Variants in UHRF2 observed in about 807,000 individuals in gnomAD.
The protein encoded by UHRF2 is ubiquitin like with PHD and ring finger domains 2.
UHRF2 carries 23 observed loss-of-function variants against 96.8 expected under a neutral mutation model. That is an observed-to-expected ratio of 0.24 (90% CI 0.17 to 0.34). The LOEUF is 0.34. Among genes scored for constraint, UHRF2 ranks in the 10% least tolerant of loss-of-function variants. UHRF2 has a pLI of 1.00. For synonymous variants in UHRF2, 385 were observed against 332.6 expected, an observed-to-expected ratio of 1.16 and a Z score of -1.72; for missense variants, 685 against 981.5, an observed-to-expected ratio of 0.70 and a Z score of 4.04.
At chr9:6,487,877 C>G (rs1180791929) in intron 9 of UHRF2, among the ~76,000 whole-genome samples, 1 of 152,156 alleles carries the variant, frequency 6.6e-6, no homozygotes, top group Non-Finnish European at 1.5e-5. Flanking sequence ...AGTGTTAAAT[C>G]TATAGAGTTT....
chr9:6,469,337 G>A (rs962825768), intron 4 of UHRF2, among the ~76,000 whole-genome samples: 4 of 152,096 alleles, frequency 2.6e-5, no homozygotes, highest in Non-Finnish European at 5.9e-5. Context: ...GGCCAACATA[G>A]TGAAACCCCG....
chr9:6,465,783 C>G (rs1822825305), intron 4 of UHRF2, among the ~76,000 whole-genome samples: 3 of 152,136 alleles, frequency 2.0e-5, no homozygotes, highest in Non-Finnish European at 4.4e-5. Flanking sequence ...GATTTTTAAT[C>G]TGCCTTGGAG....
intron 9 of UHRF2, among the ~76,000 whole-genome samples, 195 bp from the exon 10 acceptor site, chr9:6,493,631 G>T (rs2130950423): frequency 6.6e-6 from 1 of 152,276 alleles, no homozygotes; most frequent in South Asian, 2.1e-4. Flanking sequence ...TAAAGTGAAA[G>T]TGTTAGGTCA....
chr9:6,452,560 T>G (rs1821936405), intron 3 of UHRF2, among the ~76,000 whole-genome samples: 1 of 152,202 alleles, frequency 6.6e-6, no homozygotes, highest in African/African-American at 2.4e-5. Context: ...GGGAAGTGTG[T>G]TGGGCCTAGT....
intron 3 of UHRF2, among the ~76,000 whole-genome samples, chr9:6,453,500 G>C (rs1408047018): frequency 6.6e-6 from 1 of 152,172 alleles, no homozygotes. Flanking sequence ...ATTTACAACT[G>C]TGGAATTAGA....
chr9:6,489,064 C>T (rs970398099), intron 9 of UHRF2, among the ~76,000 whole-genome samples: 1 of 152,190 alleles, frequency 6.6e-6, no homozygotes, highest in Non-Finnish European at 1.5e-5. Context: ...CCTACCTCAG[C>T]CTCCCAAAGT....
intron 4 of UHRF2, among the ~76,000 whole-genome samples, chr9:6,461,977 A>G (rs1293625129): frequency 6.6e-6 from 1 of 151,854 alleles, no homozygotes; most frequent in Non-Finnish European, 1.5e-5. Flanking sequence ...TTTTAGAATA[A>G]CCCTGACAAT....
intron 6 of UHRF2, among the ~76,000 whole-genome samples, chr9:6,480,166 T>C (rs900882061): frequency 6.6e-6 from 1 of 152,202 alleles, no homozygotes; most frequent in African/African-American, 2.4e-5. Flanking sequence ...ACCATTTCTT[T>C]TTATGCCTCA....
intron 3 of UHRF2, among the ~76,000 whole-genome samples, chr9:6,439,835 C>G (rs1821060199): frequency 6.6e-6 from 1 of 152,080 alleles, no homozygotes; most frequent in African/African-American, 2.4e-5. Context: ...AGAGACTATA[C>G]TTGAATGAAA....
chr9:6,455,493 A>G (rs1225415252), intron 3 of UHRF2, among the ~76,000 whole-genome samples: 1 of 152,152 alleles, frequency 6.6e-6, no homozygotes, highest in African/African-American at 2.4e-5. Flanking sequence ...GCTGCATAAT[A>G]TTCCATGGTG....
At chr9:6,432,839 A>AT (rs59582342) in intron 2 of UHRF2, among the ~76,000 whole-genome samples, 2,436 of 144,868 alleles carry the variant, frequency 0.017, 64 homozygotes, top group African/African-American at 0.052. Context: ...GGCTCTGGCC[A>AT]TTTTTTTTTT....
chr9:6,487,931 C>A (rs139066957), intron 9 of UHRF2, among the ~76,000 whole-genome samples: 1 of 152,060 alleles, frequency 6.6e-6, no homozygotes, highest in Admixed American at 6.5e-5. Flanking sequence ...GTTGTAGATT[C>A]ACGTGTAGCA....
At chr9:6,470,530 T>G (rs1823179125) in intron 4 of UHRF2, among the ~76,000 whole-genome samples, 1 of 152,038 alleles carries the variant, frequency 6.6e-6, no homozygotes, top group Non-Finnish European at 1.5e-5. Context: ...GGAATGAGAT[T>G]CCCGATGGAA....
chr9:6,446,466 A>C lies in UHRF2; in HGVS notation c.644+12293A>C, dbSNP rs187747189. Reference sequence around the variant, plus strand: ...CCTAATTTTTTTTAATTTTTAGTAGAAGCAGGGTTTCGCCATGTTGCCCAG... The same window carrying C: ...CCTAATTTTTTTTAATTTTTAGTAGCAGCAGGGTTTCGCCATGTTGCCCAG... On this transcript the variant is annotated intron_variant, in intron 3 of 15. Transcript: ENST00000276893. Among the ~76,000 whole-genome samples, 256 of 151,618 alleles carry C rather than the reference A, an allele frequency of 1.7e-3. 1 individual carries two copies. The highest frequency in any genetic ancestry group is 2.9e-3 in the Non-Finnish European group (200 of 67,920).
At chr9:6,422,683 C>A in intron 2 of UHRF2, 1 of 627,758 alleles carries the variant, frequency 1.6e-6, no homozygotes, top group Non-Finnish European at 3.0e-6. Flanking sequence ...GAACACGGCT[C>A]GCTGTAGCCT....
intron 4 of UHRF2, among the ~76,000 whole-genome samples, chr9:6,471,348 G>C (rs1823228969): frequency 6.6e-6 from 1 of 152,196 alleles, no homozygotes. Flanking sequence ...GAAAATAGCA[G>C]CTATGGTAGC....
chr9:6,459,391 G>A (rs1054986663), intron 3 of UHRF2, among the ~76,000 whole-genome samples: 4 of 152,118 alleles, frequency 2.6e-5, no homozygotes, highest in Non-Finnish European at 2.9e-5. Flanking sequence ...ACTTGGGGCC[G>A]GGTGCGGTGG....
At chr9:6,471,263 A>G (rs991943424) in intron 4 of UHRF2, among the ~76,000 whole-genome samples, 3 of 152,156 alleles carry the variant, frequency 2.0e-5, no homozygotes, top group Non-Finnish European at 4.4e-5. Flanking sequence ...CCTGTGTAGT[A>G]TCAGTGGCTG....
At chr9:6,452,095 A>G (rs1821909173) in intron 3 of UHRF2, among the ~76,000 whole-genome samples, 1 of 151,846 alleles carries the variant, frequency 6.6e-6, no homozygotes, top group African/African-American at 2.4e-5. Flanking sequence ...ATTTTTTTTA[A>G]GTTCATATAT....
Sources: allele counts gnomAD v4.1 joint callset (sites outside exome capture counted in the v4.1 genomes callset), GRCh38; gene constraint gnomAD v4.1.1; transcripts MANE v1.5; gene names NCBI Gene and HGNC (gene_info 2026-07-23, HGNC 2026-07-21).